MANBA: variants seen among roughly 807,000 people sequenced by gnomAD.
The protein encoded by MANBA is mannosidase beta.
In MANBA, 83 loss-of-function variants were observed where a neutral mutation model predicts 111.1. The ratio of observed to expected loss-of-function variants is 0.75; its 90% CI spans 0.63 to 0.90. The LOEUF (loss-of-function observed/expected upper bound fraction) is 0.90. Ranked by LOEUF, MANBA falls within the 40% of genes least tolerant of loss-of-function variation. The pLI is 0.00. For missense variants in MANBA, 1,036 were observed against 1,069.0 expected (o/e 0.97, Z 0.43); for synonymous variants, 370 against 378.7 (o/e 0.98, Z 0.27).
chr4:102,691,341 C>G (rs1732465106), intron 5 of MANBA, among the ~76,000 whole-genome samples: 1 of 151,806 alleles, frequency 6.6e-6, no homozygotes, highest in Non-Finnish European at 1.5e-5. Context: ...AAATGGTGAC[C>G]AGGATAAACA....
At chr4:102,680,833 T>C (rs896185183) in intron 7 of MANBA, among the ~76,000 whole-genome samples, 2 of 152,234 alleles carry the variant, frequency 1.3e-5, no homozygotes, top group South Asian at 2.1e-4. Flanking sequence ...TCTGGAAATA[T>C]GAGAATGACT....
chr4:102,730,787 G>A (rs1195725736), intron 1 of MANBA: 1 of 444,358 alleles, frequency 2.3e-6, no homozygotes, highest in African/African-American at 2.0e-5. Flanking sequence ...ATAGGGTTTA[G>A]CTTGTTAATT....
At chr4:102,655,140 G>A (rs1050357310) in intron 12 of MANBA, among the ~76,000 whole-genome samples, 4 of 152,040 alleles carry the variant, frequency 2.6e-5, no homozygotes, top group Non-Finnish European at 5.9e-5. Context: ...CCAAAGAAGC[G>A]TAAGACTGGT....
chr4:102,732,193 G>A (rs1233995607), intron 1 of MANBA, among the ~76,000 whole-genome samples: 1 of 152,186 alleles, frequency 6.6e-6, no homozygotes, highest in South Asian at 2.1e-4. Context: ...TTACAGACAT[G>A]AGCCACCGCA....
At chr4:102,667,154 T>G (rs1731263392) in intron 10 of MANBA, 1 of 152,224 alleles carries the variant, frequency 6.6e-6, no homozygotes, top group Admixed American at 6.5e-5. Flanking sequence ...TGTTGAGATA[T>G]TCCAGGATCA....
At chr4:102,634,361 C>T (rs970808671) in intron 16 of MANBA, among the ~76,000 whole-genome samples, 1 of 152,212 alleles carries the variant, frequency 6.6e-6, no homozygotes, top group Non-Finnish European at 1.5e-5. Flanking sequence ...GCTACAGGAC[C>T]TCGAGCTCAT....
chr4:102,741,414 T>C (rs1019879011), intron 1 of MANBA, among the ~76,000 whole-genome samples: 1 of 152,206 alleles, frequency 6.6e-6, no homozygotes, highest in Non-Finnish European at 1.5e-5. Flanking sequence ...GAACTACCAT[T>C]GATCCAGCAA....
At chr4:102,751,703 CTG>C (rs1723807445) in intron 1 of MANBA, 4 of 542,566 alleles carry the variant, frequency 7.4e-6, no homozygotes, top group Non-Finnish European at 1.1e-5. Flanking sequence ...TCCATGATGA[CTG>C]GATCCTTTCA....
At chr4:102,679,467 ATAT>A (rs1359613195) in intron 7 of MANBA, 2 of 152,158 alleles carry the variant, frequency 1.3e-5, no homozygotes, top group Non-Finnish European at 2.9e-5. Flanking sequence ...AGTAAAACAA[ATAT>A]TAGCGTACAA....
chr4:102,634,097 G>A (rs1199065135), intron 16 of MANBA, among the ~76,000 whole-genome samples: 2 of 152,114 alleles, frequency 1.3e-5, no homozygotes, highest in Admixed American at 6.5e-5. Flanking sequence ...ACATATATGT[G>A]TACATATATT....
chr4:102,754,652 G>A (rs952141372), intron 1 of MANBA, among the ~76,000 whole-genome samples: 1 of 151,994 alleles, frequency 6.6e-6, no homozygotes, highest in Non-Finnish European at 1.5e-5. Flanking sequence ...CACCTCCCGG[G>A]TTCATGCCAT....
chr4:102,746,609 T>C (rs1266740619), intron 1 of MANBA, among the ~76,000 whole-genome samples: 1 of 152,234 alleles, frequency 6.6e-6, no homozygotes, highest in Non-Finnish European at 1.5e-5. Flanking sequence ...GAGTATCAGA[T>C]GCATTTATTT....
At chr4:102,703,156 G>A (rs992771800) in intron 5 of MANBA, among the ~76,000 whole-genome samples, 1 of 152,100 alleles carries the variant, frequency 6.6e-6, no homozygotes, top group Admixed American at 6.5e-5. Context: ...TTTGAGACAG[G>A]GTCTTGCTTT....
chr4:102,749,231 G>A (rs762150848), intron 1 of MANBA, among the ~76,000 whole-genome samples: 5 of 152,194 alleles, frequency 3.3e-5, no homozygotes, highest in Admixed American at 6.5e-5. Context: ...AGAAATATTT[G>A]GATATATGGA....
intron 13 of MANBA, among the ~76,000 whole-genome samples, chr4:102,640,838 G>T (rs1263420584): frequency 2.0e-5 from 3 of 152,166 alleles, no homozygotes; most frequent in East Asian, 3.8e-4. Context: ...CATAGATGAG[G>T]TTATGACTTA....
intron 5 of MANBA, among the ~76,000 whole-genome samples, chr4:102,693,202 C>A (rs544032896): frequency 1.3e-5 from 2 of 152,300 alleles, no homozygotes; most frequent in East Asian, 3.9e-4. Context: ...ACCTAGTCTG[C>A]TCGCTCACCA....
At chr4:102,652,899 C>T (rs1730400829) in intron 12 of MANBA, among the ~76,000 whole-genome samples, 1 of 151,904 alleles carries the variant, frequency 6.6e-6, no homozygotes, top group Non-Finnish European at 1.5e-5. Flanking sequence ...TCTCTCAAAA[C>T]AAAAAACAAA....
chr4:102,743,957 C>T (rs763624825), intron 1 of MANBA, among the ~76,000 whole-genome samples: 53 of 152,226 alleles, frequency 3.5e-4, no homozygotes, highest in Non-Finnish European at 7.1e-4. Context: ...CTATCTGCCA[C>T]TGATACCTCA....
intron 7 of MANBA, among the ~76,000 whole-genome samples, chr4:102,684,086 G>A (rs1732100727): frequency 6.6e-6 from 1 of 151,320 alleles, no homozygotes; most frequent in Non-Finnish European, 1.5e-5. Flanking sequence ...CAGATATGCT[G>A]CTGTCTCCTG....
Sources: allele counts gnomAD v4.1 joint callset (sites outside exome capture counted in the v4.1 genomes callset), GRCh38; gene constraint gnomAD v4.1.1; transcripts MANE v1.5; gene names NCBI Gene and HGNC (gene_info 2026-07-23, HGNC 2026-07-21).